PCDH15: variants seen among roughly 807,000 people sequenced by gnomAD.
The protein encoded by PCDH15 is protocadherin-15.
In PCDH15, 129 loss-of-function variants were observed where a neutral mutation model predicts 178.5. That is an observed-to-expected ratio of 0.72 (90% CI 0.63 to 0.84). The LOEUF is 0.84. Among genes scored for constraint, PCDH15 ranks in the 40% least tolerant of loss-of-function variants. The pLI is 0.00. For synonymous variants in PCDH15, 800 were observed against 732.0 expected, an observed-to-expected ratio of 1.09 and a Z score of -1.50; for missense variants, 2,230 against 2,099.9, an observed-to-expected ratio of 1.06 and a Z score of -1.21.
intron 2 of PCDH15, among the ~76,000 whole-genome samples, chr10:55,016,883 T>TA (rs1205325948): frequency 6.6e-6 from 1 of 152,112 alleles, no homozygotes; most frequent in Non-Finnish European, 1.5e-5. Flanking sequence ...TAATCATATA[T>TA]TTTTCTCAAT....
chr10:54,324,873 A>G (rs2061840370), intron 7 of PCDH15, among the ~76,000 whole-genome samples: 1 of 152,114 alleles, frequency 6.6e-6, no homozygotes, highest in Admixed American at 6.6e-5. Flanking sequence ...CAGGATAACA[A>G]TAATATAAAA....
At chr10:55,593,931 A>G (rs1842893182) in intron 2 of PCDH15, among the ~76,000 whole-genome samples, 1 of 151,906 alleles carries the variant, frequency 6.6e-6, no homozygotes, top group African/African-American at 2.4e-5. Flanking sequence ...GGCAATTTCT[A>G]TACATGTATT....
In PCDH15 at chr10:54,889,500, G is replaced by GAGAT. The variant is rs1554811033; in HGVS notation, c.-29+7949_-29+7950insATCT. Among the ~76,000 whole-genome samples the GAGAT allele has an allele frequency of 4.2e-3, 599 of 142,010 alleles. 7 individuals are homozygous for GAGAT. Among genetic ancestry groups the GAGAT allele is most frequent in the African/African-American group, 0.014 (569 of 39,762 alleles). 93.2% of individuals were successfully genotyped at this position (142,010 alleles called of 152,430 possible). A position where few individuals can be genotyped will look rare whatever the true frequency, so the allele number is the denominator to read the frequency against. On this transcript the variant is annotated intron_variant, in intron 3 of 5. Transcript: ENST00000458638. ...AGTATTTTGAATAGCTAATTGTGAA[G>GAGAT]ATATATATATATATATATGATCTAT...
intron 2 of PCDH15, among the ~76,000 whole-genome samples, chr10:54,651,914 ATTAT>A (rs1455638482): frequency 5.9e-5 from 9 of 151,938 alleles, no homozygotes; most frequent in East Asian, 2.0e-4. Context: ...AAGGTGTAAA[ATTAT>A]TTATTTATTT....
intron 2 of PCDH15, among the ~76,000 whole-genome samples, chr10:54,647,479 G>T (rs1248858279): frequency 2.0e-5 from 3 of 152,014 alleles, no homozygotes; most frequent in African/African-American, 7.2e-5. Flanking sequence ...ATACAGTATT[G>T]TTAAAAACTT....
At chr10:53,994,330 A>AT (rs548285495) in intron 21 of PCDH15, among the ~76,000 whole-genome samples, 1 of 152,004 alleles carries the variant, frequency 6.6e-6, no homozygotes. Flanking sequence ...GCTGATGAAA[A>AT]TTTTTTTTAA....
intron 2 of PCDH15, among the ~76,000 whole-genome samples, chr10:54,994,827 T>C (rs1438287755): frequency 1.3e-5 from 2 of 152,234 alleles, no homozygotes; most frequent in Non-Finnish European, 2.9e-5. Context: ...GCGCTTCTTC[T>C]ACTGCCTTTC....
chr10:55,114,152 C>T lies in PCDH15; in HGVS notation c.-80+52424G>A, dbSNP rs543435737. Among the ~76,000 whole-genome samples, 925 of 152,138 alleles carry T rather than the reference C, an allele frequency of 6.1e-3. 5 individuals carry two copies. Among genetic ancestry groups the T allele is most frequent in the Non-Finnish European group, 9.0e-3 (610 of 67,998 alleles). The stretch of plus-strand genomic sequence containing the variant: ...ATTTTTGGTAGAGACGGGGTTTCAC[C>T]GTGTTAGCCAGGATGGTCTCGATCT... On this transcript the variant is annotated intron_variant, in intron 2 of 5. Coordinates refer to the PCDH15 transcript ENST00000458638.
intron 2 of PCDH15, among the ~76,000 whole-genome samples, chr10:54,629,975 C>A (rs111605626): frequency 1.3e-3 from 200 of 152,006 alleles, no homozygotes; most frequent in African/African-American, 4.5e-3. Context: ...AAATTAAGAT[C>A]AAAAACCCAT....
chr10:55,346,472 T>A (rs960154371), intron 2 of PCDH15, among the ~76,000 whole-genome samples: 2 of 152,078 alleles, frequency 1.3e-5, no homozygotes, highest in African/African-American at 4.8e-5. Context: ...TAATTTGGGG[T>A]TTATATGGAT....
intron 5 of PCDH15, among the ~76,000 whole-genome samples, chr10:54,353,103 A>G (rs1040850100): frequency 6.6e-6 from 1 of 152,138 alleles, no homozygotes; most frequent in African/African-American, 2.4e-5. Context: ...CTCTGAATCT[A>G]CGATTATTTA....
chr10:54,955,666 A>C (rs1676338385), intron 2 of PCDH15, among the ~76,000 whole-genome samples: 2 of 151,476 alleles, frequency 1.3e-5, no homozygotes, highest in Admixed American at 6.6e-5. Flanking sequence ...TTTTTTCAGT[A>C]AATAATCAAA....
At chr10:55,520,511 G>A (rs1464848756) in intron 2 of PCDH15, among the ~76,000 whole-genome samples, 2 of 128,080 alleles carry the variant, frequency 1.6e-5, no homozygotes, top group African/African-American at 5.6e-5. Flanking sequence ...GTGTGTATAT[G>A]TGTGTGTGTG....
At chr10:54,761,943 C>T (rs564724114) in intron 1 of PCDH15, among the ~76,000 whole-genome samples, 1 of 152,110 alleles carries the variant, frequency 6.6e-6, no homozygotes, top group Admixed American at 6.5e-5. Context: ...AGAATGACAA[C>T]AAGTGATAAC....
intron 18 of PCDH15, among the ~76,000 whole-genome samples, chr10:54,030,034 T>C (rs2093245812): frequency 6.6e-6 from 1 of 152,252 alleles, no homozygotes; most frequent in East Asian, 1.9e-4. Context: ...CAAATATCCA[T>C]TCAGATTAAT....
chr10:54,127,973 G>A (rs1307321923), intron 15 of PCDH15, among the ~76,000 whole-genome samples: 3 of 152,006 alleles, frequency 2.0e-5, no homozygotes, highest in Admixed American at 2.0e-4. Context: ...CTAAGGACTG[G>A]GAACAGGGTG....
At chr10:54,961,485 G>C (rs2131884532) in intron 2 of PCDH15, among the ~76,000 whole-genome samples, 1 of 152,334 alleles carries the variant, frequency 6.6e-6, no homozygotes, top group South Asian at 2.1e-4. Context: ...TGAGGCCTAG[G>C]GGCTAGGCTA....
At chr10:55,365,603 TG>T (rs560796739) in intron 2 of PCDH15, among the ~76,000 whole-genome samples, 338 of 152,096 alleles carry the variant, frequency 2.2e-3, no homozygotes, top group Non-Finnish European at 3.7e-3. Context: ...GATTGCATTA[TG>T]GGGGAGGGTC....
intron 2 of PCDH15, among the ~76,000 whole-genome samples, chr10:55,602,674 G>T (rs1332056411): frequency 6.6e-6 from 1 of 152,000 alleles, no homozygotes; most frequent in Admixed American, 6.6e-5. Flanking sequence ...TGCAGCTGAG[G>T]GTCCTGTCTG....
Sources: allele counts gnomAD v4.1 joint callset (sites outside exome capture counted in the v4.1 genomes callset), GRCh38; gene constraint gnomAD v4.1.1; transcripts MANE v1.5; gene names NCBI Gene and HGNC (gene_info 2026-07-23, HGNC 2026-07-21).